Variants in ZFHX3 observed in about 807,000 individuals in gnomAD.
ZFHX3 encodes zinc finger homeobox 3, also known as zinc finger homeobox protein 3.
A neutral mutation model predicts 279.1 loss-of-function variants in ZFHX3; 42 were observed. The ratio of observed to expected loss-of-function variants is 0.15; its 90% CI spans 0.12 to 0.19. ZFHX3 has a LOEUF of 0.19. Ranked by LOEUF, ZFHX3 falls within the 10% of genes least tolerant of loss-of-function variation. The pLI is 1.00. For synonymous variants in ZFHX3, 2,293 were observed against 1,957.8 expected (o/e 1.17, Z -4.52); for missense variants, 4,981 against 4,754.0 (o/e 1.05, Z -1.40).
chr16:73,425,381 T>C (rs1028709056), intron 3 of ZFHX3, among the ~76,000 whole-genome samples: 1 of 152,206 alleles, frequency 6.6e-6, no homozygotes, highest in Non-Finnish European at 1.5e-5. Flanking sequence ...AATTTATGAA[T>C]TGCTTAATCT....
chr16:73,343,296 T>C (rs978019947), intron 3 of ZFHX3, among the ~76,000 whole-genome samples: 2 of 152,204 alleles, frequency 1.3e-5, no homozygotes, highest in Admixed American at 6.5e-5. Flanking sequence ...CCAGTAGCCC[T>C]GATGCTCAGA....
intron 2 of ZFHX3, among the ~76,000 whole-genome samples, chr16:73,466,019 C>T (rs1014130242): frequency 2.6e-5 from 4 of 151,190 alleles, no homozygotes; most frequent in African/African-American, 9.7e-5. Context: ...TGGTAAAACA[C>T]AAGAATGTCG....
intron 3 of ZFHX3, among the ~76,000 whole-genome samples, chr16:73,370,198 T>C (rs913938580): frequency 2.0e-5 from 3 of 152,214 alleles, no homozygotes; most frequent in Non-Finnish European, 4.4e-5. Context: ...GATCATCATA[T>C]GGTGATGGCT....
intron 4 of ZFHX3, among the ~76,000 whole-genome samples, chr16:72,843,322 A>G (rs1032477743): frequency 6.6e-6 from 1 of 152,032 alleles, no homozygotes; most frequent in African/African-American, 2.4e-5. Context: ...CATCCTGGCT[A>G]ACACGGTGAA....
rs930462411 is a variant in ZFHX3, at chr16:72,786,028, A to G, written c.*1136T>C. On this transcript the variant is annotated 3_prime_UTR_variant, in exon 10 of 10. Transcript: ENST00000268489. ...CTCCCTCTAAGAAATGAAGGCAGCTACCTTAAGTGGGAGATTATAGGACGG... is the reference window on the plus strand; with the variant it reads ...CTCCCTCTAAGAAATGAAGGCAGCTGCCTTAAGTGGGAGATTATAGGACGG... The G allele has an allele frequency of 6.6e-6, 1 of 152,202 alleles. No homozygotes were observed. 9.4% of individuals were successfully genotyped at this position (152,202 alleles called of 1,614,324 possible).
chr16:72,931,567 A>T (rs946492962), intron 3 of ZFHX3, among the ~76,000 whole-genome samples: 4 of 81,940 alleles, frequency 4.9e-5, no homozygotes, highest in South Asian at 3.5e-4. Context: ...TGCACCATTT[A>T]AAAAAAAAAA....
chr16:73,010,171 G>C (rs1461758700), intron 1 of ZFHX3, among the ~76,000 whole-genome samples: 3 of 152,176 alleles, frequency 2.0e-5, no homozygotes, highest in Non-Finnish European at 4.4e-5. Flanking sequence ...AGATGCTGCA[G>C]GGCACTGCTA....
intron 2 of ZFHX3, among the ~76,000 whole-genome samples, chr16:73,668,622 A>G (rs1161920557): frequency 1.3e-5 from 2 of 150,202 alleles, no homozygotes; most frequent in African/African-American, 5.0e-5. Context: ...ATGTCCCTCC[A>G]AAGGACATAA....
At chr16:73,310,126 C>T (rs916590622) in intron 4 of ZFHX3, among the ~76,000 whole-genome samples, 3 of 151,948 alleles carry the variant, frequency 2.0e-5, no homozygotes, top group Non-Finnish European at 4.4e-5. Flanking sequence ...CCACACTGGT[C>T]TCGAACACCT....
At chr16:73,166,274 T>TCA in intron 5 of ZFHX3, among the ~76,000 whole-genome samples, 1 of 152,252 alleles carries the variant, frequency 6.6e-6, no homozygotes, top group East Asian at 1.9e-4. Context: ...TTTATGGGGC[T>TCA]TCATACACCA....
At chr16:73,736,148 G>C (rs181420286) in intron 1 of ZFHX3, among the ~76,000 whole-genome samples, 39 of 152,280 alleles carry the variant, frequency 2.6e-4, no homozygotes, top group Middle Eastern at 3.4e-3. Flanking sequence ...GAAATGGTCA[G>C]AGACAGATGG....
rs1242003318 is a variant in ZFHX3, at chr16:72,794,253, A to G, written c.8429T>C (p.Ile2810Thr). The part of the protein sequence containing the change: ...LSPSSIKVEG[I>T]EDFESPSMSS... ...CATGGAGGGGCTTTCAAAGTCTTCAATCCCTTCCACCTTAATGGAGGAAGG... is the reference window on the plus strand; with the variant it reads ...CATGGAGGGGCTTTCAAAGTCTTCAGTCCCTTCCACCTTAATGGAGGAAGG... The change falls in exon 9 of 10, where the codon ATT (isoleucine) becomes ACT (threonine). Residue 2810 changes from isoleucine to threonine, a missense_variant. Coordinates refer to ENST00000268489, the MANE Select transcript of ZFHX3 (RefSeq NM_006885.4). This position sits in a 1 kb window ranked among gnomAD's most constrained non-coding sequence, Gnocchi z 4.2. 6.8e-6 allele frequency: 11 copies of G among 1,614,212 alleles called. No individual in the cohort carries two copies. Among genetic ancestry groups the G allele is most frequent in the African/African-American group, 2.7e-5 (2 of 75,060 alleles).
At chr16:73,478,419 T>C (rs560464873) in intron 2 of ZFHX3, among the ~76,000 whole-genome samples, 1 of 152,238 alleles carries the variant, frequency 6.6e-6, no homozygotes, top group East Asian at 1.9e-4. Context: ...TTTAATGCAG[T>C]AATAAATAAC....
chr16:72,841,420 T>C (rs1339332627), intron 4 of ZFHX3, among the ~76,000 whole-genome samples: 1 of 152,190 alleles, frequency 6.6e-6, no homozygotes, highest in African/African-American at 2.4e-5. Flanking sequence ...AATTGCTAAC[T>C]TGTCATTTTT....
intron 5 of ZFHX3, among the ~76,000 whole-genome samples, chr16:73,155,141 T>C (rs1967043435): frequency 7.0e-6 from 1 of 143,596 alleles, no homozygotes; most frequent in Admixed American, 7.4e-5. Context: ...CCATTGCACT[T>C]CAGCCTGGGT....
At chr16:73,863,301 G>C (rs919529639) in intron 1 of ZFHX3, among the ~76,000 whole-genome samples, 3 of 152,152 alleles carry the variant, frequency 2.0e-5, no homozygotes, top group African/African-American at 7.2e-5. Context: ...GTAGGCAATG[G>C]GCATAAAGAG....
chr16:73,865,383 T>C (rs1465118366), intron 1 of ZFHX3, among the ~76,000 whole-genome samples: 1 of 152,070 alleles, frequency 6.6e-6, no homozygotes, highest in Non-Finnish European at 1.5e-5. Flanking sequence ...AAGACATGTA[T>C]GGGAAGGGTT....
At chr16:72,806,881 G>A (rs1432228555) in intron 7 of ZFHX3, 1 of 152,218 alleles carries the variant, frequency 6.6e-6, no homozygotes, top group East Asian at 1.9e-4. Flanking sequence ...AAGCTGCCCA[G>A]GAGCCAATCC....
At chr16:73,673,152 G>T (rs543313468) in intron 2 of ZFHX3, among the ~76,000 whole-genome samples, 1 of 152,076 alleles carries the variant, frequency 6.6e-6, no homozygotes, top group African/African-American at 2.4e-5. Flanking sequence ...TTTTCAAAAG[G>T]CAAGGGAACA....
Sources: gnomAD v4.1 joint callset for allele counts (sites outside exome capture counted in the v4.1 genomes callset) on GRCh38, gnomAD v4.1.1 for gene constraint, Gnocchi (gnomAD v3.1) non-coding constraint, MANE v1.5 for transcripts, NCBI Gene and HGNC (gene_info 2026-07-23, HGNC 2026-07-21) for gene names.